The following TRIM2 variants were observed in gnomAD, a reference collection of about 807,000 sequenced individuals.
TRIM2 encodes tripartite motif-containing protein 2.
TRIM2 carries 20 observed loss-of-function variants against 75.2 expected under a neutral mutation model. That is an observed-to-expected ratio of 0.27 (90% confidence interval 0.19 to 0.39). The LOEUF is 0.39. Ranked by LOEUF, TRIM2 falls within the 10% of genes least tolerant of loss-of-function variation. The pLI is 1.00. For missense variants in TRIM2, 660 were observed against 990.8 expected, an observed-to-expected ratio of 0.67 and a Z score of 4.48; for synonymous variants, 373 against 388.3, an observed-to-expected ratio of 0.96 and a Z score of 0.46.
intron 1 of TRIM2, among the ~76,000 whole-genome samples, chr4:153,165,510 G>C (rs1233806860): frequency 6.6e-6 from 1 of 151,672 alleles, no homozygotes; most frequent in African/African-American, 2.4e-5. Context: ...TTGTTTGTTT[G>C]TTTATAGATA....
chr4:153,161,673 T>C (rs1271721260), intron 1 of TRIM2, among the ~76,000 whole-genome samples: 1 of 152,226 alleles, frequency 6.6e-6, no homozygotes, highest in African/African-American at 2.4e-5. Context: ...CTTATTAGTT[T>C]TCTTTGTATC....
At chr4:153,239,945 C>T (rs1746113118) in intron 1 of TRIM2, among the ~76,000 whole-genome samples, 1 of 151,460 alleles carries the variant, frequency 6.6e-6, no homozygotes, top group Non-Finnish European at 1.5e-5. Context: ...AGCAATTCTC[C>T]TGTCTCAGCC....
chr4:153,187,273 A>G (rs1043632910), intron 1 of TRIM2, among the ~76,000 whole-genome samples: 1 of 152,198 alleles, frequency 6.6e-6, no homozygotes, highest in Non-Finnish European at 1.5e-5. Flanking sequence ...CATTACTCTC[A>G]TATTACAAAG....
At chr4:153,156,841 T>C (rs1454057861) in intron 1 of TRIM2, 5 of 152,242 alleles carry the variant, frequency 3.3e-5, no homozygotes, top group Admixed American at 3.3e-4. Flanking sequence ...GGACTAGCAC[T>C]GAGAGTTGAC....
chr4:153,314,563 T>A (rs1302425533), intron 6 of TRIM2, among the ~76,000 whole-genome samples: 7 of 151,004 alleles, frequency 4.6e-5, no homozygotes, highest in Non-Finnish European at 8.8e-5. Flanking sequence ...GCCTGGGCAA[T>A]ATCGCAAGAC....
intron 2 of TRIM2, among the ~76,000 whole-genome samples, chr4:153,272,129 A>G (rs1756839576): frequency 6.9e-6 from 1 of 145,706 alleles, no homozygotes. Flanking sequence ...GCATGTTGAG[A>G]TGATTTCCTC....
At chr4:153,323,951 G>GA (rs778891782) in intron 9 of TRIM2, 127 bp from the exon 10 acceptor site, 57 of 714,924 alleles carry the variant, frequency 8.0e-5, no homozygotes, top group Non-Finnish European at 1.3e-4. Flanking sequence ...TTCAAAGACT[G>GA]AGTCTATGAT....
At chr4:153,303,192 C>T (rs1272611650) in intron 6 of TRIM2, among the ~76,000 whole-genome samples, 1 of 151,998 alleles carries the variant, frequency 6.6e-6, no homozygotes, top group Non-Finnish European at 1.5e-5. Context: ...GGCTGGACGC[C>T]GTGGCTTATG....
chr4:153,263,224 G>A (rs1384308643), intron 1 of TRIM2, among the ~76,000 whole-genome samples: 3 of 152,172 alleles, frequency 2.0e-5, no homozygotes, highest in Non-Finnish European at 4.4e-5. Flanking sequence ...AGCTACTTGG[G>A]AGGCTAAGGT....
chr4:153,256,278 C>G (rs62323713), intron 1 of TRIM2, among the ~76,000 whole-genome samples: 31,401 of 152,140 alleles, frequency 0.21, 4,005 homozygotes, highest in South Asian at 0.34. Context: ...CTGTGATCCC[C>G]CTCCTCCTAC....
intron 6 of TRIM2, among the ~76,000 whole-genome samples, chr4:153,301,439 C>T (rs1382753051): frequency 6.6e-6 from 1 of 152,132 alleles, no homozygotes; most frequent in Non-Finnish European, 1.5e-5. Context: ...TTCTCCCATT[C>T]TGTAGGTTTT....
chr4:153,327,672 A>C (rs113658512), intron 10 of TRIM2, among the ~76,000 whole-genome samples: 1 of 152,210 alleles, frequency 6.6e-6, no homozygotes, highest in African/African-American at 2.4e-5. Flanking sequence ...ACTTTTTTCA[A>C]AATCAGTGAT....
intron 1 of TRIM2, among the ~76,000 whole-genome samples, chr4:153,249,317 C>G (rs932716892): frequency 1.3e-5 from 2 of 152,198 alleles, no homozygotes; most frequent in African/African-American, 4.8e-5. Context: ...GGGCCTGTTG[C>G]TATGGAGCCC....
intron 1 of TRIM2, among the ~76,000 whole-genome samples, chr4:153,244,078 C>CCAAAGTGCTG (rs1307278164): frequency 3.3e-5 from 5 of 152,166 alleles, no homozygotes; most frequent in African/African-American, 1.2e-4. Context: ...CCTCAGCCTC[C>CCAAAGTGCTG]CAAAGTGCTG....
chr4:153,173,394 T>A (rs1731075936), intron 1 of TRIM2, among the ~76,000 whole-genome samples: 1 of 152,126 alleles, frequency 6.6e-6, no homozygotes, highest in Admixed American at 6.6e-5. Flanking sequence ...CCAGACACAG[T>A]GGCTCACACC....
chr4:153,314,067 C>A (rs772028397), intron 6 of TRIM2, among the ~76,000 whole-genome samples: 41 of 152,146 alleles, frequency 2.7e-4, no homozygotes, highest in Admixed American at 4.6e-4. Context: ...ATATTTACAT[C>A]ATCCTATTGA....
chr4:153,286,950 C>G (rs1263172589), intron 3 of TRIM2, among the ~76,000 whole-genome samples: 2 of 151,748 alleles, frequency 1.3e-5, no homozygotes, highest in African/African-American at 2.4e-5. Context: ...TTTTTTCATT[C>G]TTTCACTTTC....
chr4:153,286,739 C>CCA (rs1280200774), intron 3 of TRIM2, among the ~76,000 whole-genome samples: 5 of 150,928 alleles, frequency 3.3e-5, no homozygotes, highest in Non-Finnish European at 7.4e-5. Flanking sequence ...ACCACCCCTG[C>CCA]CACACACACA....
At chr4:153,152,712 A>G (rs760199916), upstream of TRIM2, 1 of 152,026 alleles carries the variant, frequency 6.6e-6, no homozygotes, top group African/African-American at 2.4e-5. Flanking sequence ...TACGCTTTGC[A>G]TGGTGCGCAG....
Sources: gnomAD v4.1 joint callset for allele counts (sites outside exome capture counted in the v4.1 genomes callset) on GRCh38, gnomAD v4.1.1 for gene constraint, MANE v1.5 for transcripts, NCBI Gene and HGNC (gene_info 2026-07-23, HGNC 2026-07-21) for gene names.